The following BBX variants were observed in gnomAD, a reference collection of about 807,000 sequenced individuals.
BBX encodes HMG box transcription factor BBX.
In BBX, 30 loss-of-function variants were observed where a neutral mutation model predicts 100.2. The ratio of observed to expected loss-of-function variants is 0.30; its 90% CI spans 0.22 to 0.41. BBX has a LOEUF of 0.41. BBX is among the 10% of genes least tolerant of loss of function. The probability of loss-of-function intolerance (pLI) is 1.00; values close to 1 mark genes in which losing one functional copy is unlikely to be tolerated. For synonymous variants in BBX, 376 were observed against 388.1 expected (o/e 0.97, Z 0.37); for missense variants, 1,023 against 1,129.8 (o/e 0.91, Z 1.35).
chr3:107,800,355 T>C (rs751836857), intron 16 of BBX, among the ~76,000 whole-genome samples: 6 of 152,200 alleles, frequency 3.9e-5, no homozygotes, highest in Non-Finnish European at 8.8e-5. Flanking sequence ...CCCATTTACA[T>C]AGAAAAGTGT....
rs142439618 is a variant in BBX, at chr3:107,794,876, G to C, written c.2353+3577G>C. On this transcript the variant is annotated intron_variant, in intron 15 of 17. Transcript: ENST00000325805. ...CCCAAAAAACCTACTCCACATTTTGGGATCAGATTTTGGAAAACAAGACGG... is the reference window on the plus strand; with the variant it reads ...CCCAAAAAACCTACTCCACATTTTGCGATCAGATTTTGGAAAACAAGACGG... Among the ~76,000 whole-genome samples the C allele has an allele frequency of 8.5e-5, 13 of 152,242 alleles. No homozygotes were observed. In the East Asian group the frequency reaches 2.1e-3, roughly 25 times the overall value.
At chr3:107,775,254 G>A (rs2067230247) in intron 12 of BBX, among the ~76,000 whole-genome samples, 1 of 152,040 alleles carries the variant, frequency 6.6e-6, no homozygotes, top group Non-Finnish European at 1.5e-5. Context: ...AAAAATGTAA[G>A]GTAAATGAAA....
chr3:107,696,042 T>A (rs1398754842), intron 3 of BBX, among the ~76,000 whole-genome samples: 2 of 151,820 alleles, frequency 1.3e-5, no homozygotes, highest in Non-Finnish European at 2.9e-5. Context: ...TGTCTTCCAT[T>A]GGCTTGGTAG....
chr3:107,621,917 T>A (rs2055798951), intron 2 of BBX, among the ~76,000 whole-genome samples: 1 of 152,212 alleles, frequency 6.6e-6, no homozygotes, highest in Non-Finnish European at 1.5e-5. Flanking sequence ...TTGCTTTTTT[T>A]AAACATGGGG....
At chr3:107,573,895 T>G (rs1319562140) in intron 2 of BBX, among the ~76,000 whole-genome samples, 1 of 152,116 alleles carries the variant, frequency 6.6e-6, no homozygotes, top group South Asian at 2.1e-4. Context: ...CCTGGCTAAT[T>G]TTGTATTAGC....
chr3:107,669,586 G>C (rs2058923555), intron 3 of BBX, among the ~76,000 whole-genome samples: 1 of 152,106 alleles, frequency 6.6e-6, no homozygotes, highest in African/African-American at 2.4e-5. Flanking sequence ...ATGATTCTAA[G>C]TAAATCTGAT....
chr3:107,525,693 T>TC (rs1336621742), intron 1 of BBX, among the ~76,000 whole-genome samples: 1 of 151,876 alleles, frequency 6.6e-6, no homozygotes, highest in Non-Finnish European at 1.5e-5. Flanking sequence ...GTTTCCTAGC[T>TC]CCCCCCACCC....
chr3:107,681,314 T>G (rs773773214), intron 3 of BBX, among the ~76,000 whole-genome samples: 1 of 152,188 alleles, frequency 6.6e-6, no homozygotes, highest in Non-Finnish European at 1.5e-5. Context: ...TTAATAATGG[T>G]GTTATGAAAC....
intron 4 of BBX, among the ~76,000 whole-genome samples, chr3:107,716,136 G>A (rs949437181): frequency 6.6e-6 from 1 of 152,106 alleles, no homozygotes; most frequent in African/African-American, 2.4e-5. Flanking sequence ...ACTTTTCAAA[G>A]CAGAGAAAGA....
At chr3:107,525,169 C>G (rs1351823876) in intron 1 of BBX, among the ~76,000 whole-genome samples, 5 of 149,134 alleles carry the variant, frequency 3.4e-5, no homozygotes, top group Non-Finnish European at 7.5e-5. Context: ...CCGACGTCCC[C>G]GCGCGGCCAC....
intron 2 of BBX, among the ~76,000 whole-genome samples, chr3:107,577,507 T>G (rs1304082480): frequency 6.6e-6 from 1 of 152,196 alleles, no homozygotes; most frequent in Non-Finnish European, 1.5e-5. Context: ...GCAAGTTATT[T>G]AAACTTTCTA....
intron 2 of BBX, among the ~76,000 whole-genome samples, chr3:107,608,260 T>A (rs539608386): frequency 6.6e-6 from 1 of 152,222 alleles, no homozygotes; most frequent in African/African-American, 2.4e-5. Flanking sequence ...TGGTGAGATA[T>A]AGGAGTCTAG....
At chr3:107,755,467 T>C (rs2065399094) in intron 9 of BBX, 131 bp from the exon 10 acceptor site, 1 of 690,388 alleles carries the variant, frequency 1.4e-6, no homozygotes, top group South Asian at 1.9e-5. Context: ...AAATGTGACA[T>C]GTTTTGTTAC....
chr3:107,802,615 A>G (rs948551128), intron 17 of BBX, among the ~76,000 whole-genome samples: 1 of 152,244 alleles, frequency 6.6e-6, no homozygotes, highest in Non-Finnish European at 1.5e-5. Context: ...AGAGAGGGAT[A>G]ATAATTCAAG....
intron 13 of BBX, among the ~76,000 whole-genome samples, chr3:107,784,817 T>C (rs1475243566): frequency 2.0e-5 from 3 of 151,132 alleles, no homozygotes; most frequent in Non-Finnish European, 4.4e-5. Context: ...AGAGAAGAAG[T>C]TGATGAAATG....
chr3:107,708,673 C>CAAA (rs34223415), intron 3 of BBX, among the ~76,000 whole-genome samples: 1 of 107,306 alleles, frequency 9.3e-6, no homozygotes, highest in Non-Finnish European at 1.9e-5. Flanking sequence ...GACTCCGTCT[C>CAAA]AAAAAAAAAA....
intron 3 of BBX, among the ~76,000 whole-genome samples, chr3:107,653,269 G>A (rs181677475): frequency 1.1e-3 from 161 of 152,260 alleles, no homozygotes; most frequent in African/African-American, 3.5e-3. Flanking sequence ...AGCTTACATT[G>A]AATCAGCAGG....
chr3:107,740,203 C>T (rs2063970108), intron 7 of BBX, among the ~76,000 whole-genome samples: 2 of 152,010 alleles, frequency 1.3e-5, no homozygotes, highest in Non-Finnish European at 2.9e-5. Flanking sequence ...TAACCAGCTT[C>T]TCCTTTAACT....
intron 3 of BBX, among the ~76,000 whole-genome samples, chr3:107,682,138 C>A (rs904981185): frequency 6.6e-6 from 1 of 152,022 alleles, no homozygotes; most frequent in Non-Finnish European, 1.5e-5. Context: ...AGAATAAATT[C>A]ATGAAGATGT....
Sources: gnomAD v4.1 joint callset for allele counts (sites outside exome capture counted in the v4.1 genomes callset) on GRCh38, gnomAD v4.1.1 for gene constraint, MANE v1.5 for transcripts, NCBI Gene and HGNC (gene_info 2026-07-23, HGNC 2026-07-21) for gene names.